PPARGC1A: variants seen among roughly 807,000 people sequenced by gnomAD.
The protein encoded by PPARGC1A is peroxisome proliferator-activated receptor gamma coactivator 1-alpha.
A neutral mutation model predicts 88.7 loss-of-function variants in PPARGC1A; 25 were observed. The ratio of observed to expected loss-of-function variants is 0.28; its 90% confidence interval spans 0.21 to 0.39. The LOEUF (loss-of-function observed/expected upper bound fraction) is 0.39. PPARGC1A is among the 10% of genes least tolerant of loss of function. PPARGC1A has a pLI of 1.00. For synonymous variants in PPARGC1A, 363 were observed against 355.6 expected (o/e 1.02, Z -0.24); for missense variants, 880 against 968.7 (o/e 0.91, Z 1.22).
At chr4:24,122,630 A>T in the PPARGC1A span, among the ~76,000 whole-genome samples, 1 of 152,160 alleles carries the variant, frequency 6.6e-6, no homozygotes, top group African/African-American at 2.4e-5. Context: ...CTCTCTGAGC[A>T]ACTCAGAACT....
the PPARGC1A span, among the ~76,000 whole-genome samples, chr4:24,104,729 GGAA>G: frequency 6.6e-6 from 1 of 152,234 alleles, no homozygotes; most frequent in Middle Eastern, 3.4e-3. Context: ...GACGAGATGT[GGAA>G]GAAGGTCAAC....
chr4:24,094,324 A>T, the PPARGC1A span, among the ~76,000 whole-genome samples: 4,834 of 152,254 alleles, frequency 0.032, 113 homozygotes, highest in Middle Eastern at 0.085. Flanking sequence ...AATTAAATTT[A>T]AAAAATCTAG....
the PPARGC1A span, among the ~76,000 whole-genome samples, chr4:24,350,357 G>T: frequency 6.6e-6 from 1 of 152,180 alleles, no homozygotes; most frequent in South Asian, 2.1e-4. Flanking sequence ...CTGTGGCTGG[G>T]TACACTTACA....
the PPARGC1A span, among the ~76,000 whole-genome samples, chr4:24,451,159 A>C: frequency 6.6e-6 from 1 of 152,224 alleles, no homozygotes; most frequent in Non-Finnish European, 1.5e-5. Context: ...CCTTGCCAGC[A>C]TATACCATAA....
chr4:24,445,505 TA>T, the PPARGC1A span, among the ~76,000 whole-genome samples: 1 of 152,220 alleles, frequency 6.6e-6, no homozygotes, highest in African/African-American at 2.4e-5. Flanking sequence ...CTGATTATTA[TA>T]AAATAATAAC....
upstream of PPARGC1A, among the ~76,000 whole-genome samples, chr4:23,903,829 C>T (rs1367037946): frequency 6.6e-6 from 1 of 151,562 alleles, no homozygotes; most frequent in Non-Finnish European, 1.5e-5. Flanking sequence ...AAGTATACTA[C>T]ACACTTCTCT....
At chr4:23,838,486 G>A (rs1336475062) in intron 2 of PPARGC1A, among the ~76,000 whole-genome samples, 1 of 152,138 alleles carries the variant, frequency 6.6e-6, no homozygotes, top group African/African-American at 2.4e-5. Flanking sequence ...AAAAAGAAAA[G>A]AAATCTCAAG....
At chr4:24,155,125 T>G in the PPARGC1A span, among the ~76,000 whole-genome samples, 1 of 151,586 alleles carries the variant, frequency 6.6e-6, no homozygotes, top group Non-Finnish European at 1.5e-5. Flanking sequence ...CGGTTTTGTT[T>G]TTTTTTTTTT....
chr4:23,992,256 TATTATCA>T, the PPARGC1A span, among the ~76,000 whole-genome samples: 6 of 35,818 alleles, frequency 1.7e-4, no homozygotes, highest in Non-Finnish European at 3.3e-4. Flanking sequence ...ATATTATGAT[TATTATCA>T]GATAATATTA....
chr4:23,947,398 A>T, the PPARGC1A span, among the ~76,000 whole-genome samples: 2,714 of 15,336 alleles, frequency 0.18, 30 homozygotes, highest in Admixed American at 0.22. Flanking sequence ...TATATATATA[A>T]AAAAAACGGT....
the PPARGC1A span, among the ~76,000 whole-genome samples, chr4:24,047,345 A>G: frequency 1.9e-4 from 29 of 152,306 alleles, no homozygotes; most frequent in African/African-American, 5.8e-4. Flanking sequence ...CAATCTCTTT[A>G]CTACTATATC....
At position 23,813,762 on chromosome 4, in the gene PPARGC1A, C is replaced by A. The variant is rs762893416; in HGVS notation, c.1721G>T (p.Arg574Leu). ...RMRSRSRSFS[R>L]HRSCSRSPYS... ...TGGTGATCGGGAACACGACCTGTGT[C>A]GAGAAAAGGACCTTGAACGAGAGCG... Residue 574 changes from arginine (R) to leucine (L), a missense_variant, in exon 8 of 13, where the codon CGA becomes CTA. By Grantham distance (102) the Arg-to-Leu change is moderately radical. Transcript: ENST00000264867. 1.2e-6 allele frequency: 2 copies of A among 1,613,304 alleles called. No homozygotes were observed. The highest frequency in any genetic ancestry group is 8.5e-7 in the Non-Finnish European group (1 of 1,179,446).
At chr4:24,051,400 ATAGT>A in the PPARGC1A span, among the ~76,000 whole-genome samples, 8 of 152,184 alleles carry the variant, frequency 5.3e-5, no homozygotes, top group South Asian at 4.1e-4. Flanking sequence ...ATCAATAATG[ATAGT>A]TATTTATTGT....
chr4:23,994,000 C>A, the PPARGC1A span, among the ~76,000 whole-genome samples: 1 of 152,078 alleles, frequency 6.6e-6, no homozygotes, highest in African/African-American at 2.4e-5. Context: ...TTGACAATTT[C>A]TTCTGAGGTT....
intron 2 of PPARGC1A, chr4:23,882,748 A>C (rs976386275): frequency 2.0e-5 from 3 of 152,188 alleles, no homozygotes; most frequent in Admixed American, 2.0e-4. Flanking sequence ...GTGGCATGGC[A>C]TATATTAAGC....
chr4:23,884,845 A>G lies in PPARGC1A; in HGVS notation c.141T>C (p.Asp47=). 1 of 1,613,978 alleles carries G rather than the reference A, an allele frequency of 6.2e-7. No homozygotes were observed. The highest frequency in any genetic ancestry group is 1.3e-5 in the African/African-American group (1 of 75,042). Residue 47 remains aspartate, a synonymous_variant, in exon 2 of 13, where the codon GAT becomes GAC. Transcript: ENST00000264867. ...TGAGTCCACCCAGAAAGCTGTCTGTATCCAAGTCGTTCACATCTAGTTCAG... is the reference window on the plus strand; with the variant it reads ...TGAGTCCACCCAGAAAGCTGTCTGTGTCCAAGTCGTTCACATCTAGTTCAG... ...DLSELDVNDL[D]TDSFLGGLKW...
chr4:24,439,050 CA>C, the PPARGC1A span, among the ~76,000 whole-genome samples: 2 of 151,978 alleles, frequency 1.3e-5, no homozygotes, highest in Non-Finnish European at 2.9e-5. Context: ...AATAAATTGA[CA>C]TAAAAATTCC....
At chr4:24,102,489 C>A in the PPARGC1A span, among the ~76,000 whole-genome samples, 3 of 152,154 alleles carry the variant, frequency 2.0e-5, no homozygotes, top group African/African-American at 4.8e-5. Flanking sequence ...CTCCTGAGGC[C>A]CTGTTTCTTC....
the PPARGC1A span, among the ~76,000 whole-genome samples, chr4:24,012,290 T>C: frequency 6.6e-6 from 1 of 152,106 alleles, no homozygotes. Flanking sequence ...ACAGAGTTGG[T>C]CATTTCTAGG....
Sources: allele counts gnomAD v4.1 joint callset (sites outside exome capture counted in the v4.1 genomes callset), GRCh38; gene constraint gnomAD v4.1.1; transcripts MANE v1.5; gene names NCBI Gene and HGNC (gene_info 2026-07-23, HGNC 2026-07-21).